GRAMD4: variants seen among roughly 807,000 people sequenced by gnomAD.
GRAMD4 encodes GRAM domain-containing protein 4.
Under a neutral mutation model 83.9 loss-of-function variants are expected in GRAMD4, and 25 were observed. The ratio of observed to expected loss-of-function variants is 0.30; its 90% CI spans 0.22 to 0.42. The LOEUF (loss-of-function observed/expected upper bound fraction) is 0.42, where lower values mean the gene tolerates loss of function less well. Ranked by LOEUF, GRAMD4 falls within the 10% of genes least tolerant of loss-of-function variation. GRAMD4 has a pLI of 1.00. For synonymous variants in GRAMD4, 336 were observed against 320.9 expected (o/e 1.05, Z -0.50); for missense variants, 593 against 788.7 (o/e 0.75, Z 2.97).
chr22:46,601,049 C>T (rs2081307727), intron 1 of GRAMD4, among the ~76,000 whole-genome samples: 1 of 151,970 alleles, frequency 6.6e-6, no homozygotes, highest in Non-Finnish European at 1.5e-5. Flanking sequence ...GAGACTGGGG[C>T]AGGAGAATCA....
intron 3 of GRAMD4, among the ~76,000 whole-genome samples, chr22:46,643,182 TCCA>T (rs1250028308): frequency 7.4e-6 from 1 of 135,858 alleles, no homozygotes. Flanking sequence ...CATCCATCCA[TCCA>T]TCCATCCATC....
intron 1 of GRAMD4, among the ~76,000 whole-genome samples, chr22:46,611,227 A>AT (rs1302457077): frequency 2.6e-5 from 4 of 151,512 alleles, no homozygotes; most frequent in African/African-American, 9.7e-5. Context: ...AAAAAAAAAA[A>AT]ATATTAAATA....
At chr22:46,664,836 G>T (rs2082384338) in intron 8 of GRAMD4, among the ~76,000 whole-genome samples, 1 of 152,242 alleles carries the variant, frequency 6.6e-6, no homozygotes, top group Non-Finnish European at 1.5e-5. Context: ...CTGCTGAGCG[G>T]GCCCCTTGGG....
At chr22:46,637,786 C>T (rs2147222809) in intron 2 of GRAMD4, 54 bp from the exon 3 acceptor site, 2 of 1,603,722 alleles carry the variant, frequency 1.2e-6, no homozygotes. Flanking sequence ...CTGAGTGGTG[C>T]AGACCCAGGG....
intron 1 of GRAMD4, among the ~76,000 whole-genome samples, chr22:46,587,289 C>A (rs1186006451): frequency 1.3e-5 from 2 of 152,100 alleles, no homozygotes; most frequent in Admixed American, 6.6e-5. Context: ...ACTGCTGGAC[C>A]CCAGCAAGGT....
At chr22:46,632,368 C>A (rs1190531223) in intron 2 of GRAMD4, among the ~76,000 whole-genome samples, 1 of 152,220 alleles carries the variant, frequency 6.6e-6, no homozygotes, top group African/African-American at 2.4e-5. Flanking sequence ...AGAAGACCCA[C>A]GCCCCATCTT....
chr22:46,619,091 A>G (rs1437461899), upstream of GRAMD4, among the ~76,000 whole-genome samples: 2 of 152,176 alleles, frequency 1.3e-5, no homozygotes, highest in Non-Finnish European at 2.9e-5. Context: ...CAGGGAGGGG[A>G]TGAAACTCCT....
At chr22:46,624,324 C>CTTTTTTTTTTTTT (rs577618843) in intron 1 of GRAMD4, among the ~76,000 whole-genome samples, 2 of 69,550 alleles carry the variant, frequency 2.9e-5, no homozygotes, top group African/African-American at 1.6e-4. Context: ...TTCCCTCTTC[C>CTTTTTTTTTTTTT]TTTTTTTTTT....
intron 1 of GRAMD4, among the ~76,000 whole-genome samples, chr22:46,599,992 A>G (rs2081297248): frequency 6.6e-6 from 1 of 152,118 alleles, no homozygotes; most frequent in South Asian, 2.1e-4. Context: ...CTGACTGTGA[A>G]TCTCATCTGA....
chr22:46,618,031 C>T (rs890873541), upstream of GRAMD4, among the ~76,000 whole-genome samples: 13 of 152,164 alleles, frequency 8.5e-5, no homozygotes, highest in African/African-American at 3.1e-4. This position sits in a 1 kb window ranked among gnomAD's most constrained non-coding sequence, Gnocchi z 5.8. Flanking sequence ...TCTCTTGAGG[C>T]CTCTGGCAGA....
At chr22:46,606,765 C>G (rs2081369604) in intron 1 of GRAMD4, among the ~76,000 whole-genome samples, 1 of 152,272 alleles carries the variant, frequency 6.6e-6, no homozygotes, top group East Asian at 1.9e-4. Context: ...GACTTATTGG[C>G]CGATTGGACG....
intron 3 of GRAMD4, among the ~76,000 whole-genome samples, chr22:46,648,599 GGATA>G (rs1177385470): frequency 1.3e-5 from 2 of 152,066 alleles, no homozygotes; most frequent in Non-Finnish European, 2.9e-5. Context: ...ACATGTGGGT[GGATA>G]GATGGATGGA....
intron 3 of GRAMD4, among the ~76,000 whole-genome samples, chr22:46,648,831 G>GATGC (rs2082117756): frequency 7.5e-6 from 1 of 133,678 alleles, no homozygotes; most frequent in African/African-American, 3.0e-5. Context: ...TGGATGGATG[G>GATGC]ATGGATGGAT....
downstream of GRAMD4, chr22:46,682,468 C>G (rs563050709): frequency 2.0e-6 from 2 of 982,668 alleles, no homozygotes; most frequent in African/African-American, 1.7e-5. Flanking sequence ...CAGGGGAGGC[C>G]GTGAAGAAGC....
chr22:46,658,086 C>CA (rs2082270539), intron 3 of GRAMD4, 101 bp from the exon 4 acceptor site: 1 of 1,394,744 alleles, frequency 7.2e-7, no homozygotes, highest in South Asian at 1.2e-5. Flanking sequence ...GGAGCAGAGA[C>CA]CCCTCTGCTG....
rs745333218 is a variant in GRAMD4 at position 46,677,616 on chromosome 22, C to T, written c.*365C>T. 1.0e-4 allele frequency: 105 copies of T among 1,022,222 alleles called. No individual in the cohort carries two copies. Among genetic ancestry groups the T allele is most frequent in the Non-Finnish European group, 1.2e-4 (102 of 852,596 alleles). 63.3% of individuals were successfully genotyped at this position (1,022,222 alleles called of 1,614,324 possible). A position where few individuals can be genotyped will look rare whatever the true frequency, so the allele number is the denominator to read the frequency against. On this transcript the variant is annotated 3_prime_UTR_variant, in exon 19 of 19. Transcript: ENST00000406902. ...CTCTCCAGCCACCCCAAGAGGTTCT[C>T]GCAACCTTGTGTCCCGCTCTCCAGA...
intron 1 of GRAMD4, among the ~76,000 whole-genome samples, chr22:46,625,204 G>GC (rs1233937498): frequency 6.6e-6 from 1 of 152,122 alleles, no homozygotes; most frequent in Non-Finnish European, 1.5e-5. Flanking sequence ...ATACTCAAGT[G>GC]CCCATCCCAG....
upstream of GRAMD4, among the ~76,000 whole-genome samples, chr22:46,617,732 T>G (rs1297512975): frequency 1.3e-5 from 2 of 152,112 alleles, no homozygotes; most frequent in Non-Finnish European, 2.9e-5. Context: ...CGTGCTGGCA[T>G]TAGCACCCCA....
chr22:46,653,981 C>A (rs1039781352), intron 3 of GRAMD4, among the ~76,000 whole-genome samples: 30 of 152,210 alleles, frequency 2.0e-4, no homozygotes, highest in African/African-American at 6.8e-4. Context: ...CTGAACCCTC[C>A]CCAGCTGGCT....
Sources: allele counts gnomAD v4.1 joint callset (sites outside exome capture counted in the v4.1 genomes callset), GRCh38; gene constraint gnomAD v4.1.1; non-coding constraint Gnocchi (gnomAD v3.1); transcripts MANE v1.5; gene names NCBI Gene and HGNC (gene_info 2026-07-23, HGNC 2026-07-21).